Variants in SLIT3 observed in about 807,000 individuals in gnomAD.
SLIT3 encodes the protein slit homolog 3 protein.
In SLIT3, 68 loss-of-function variants were observed where a neutral mutation model predicts 184.0. The observed-to-expected ratio is 0.37, with a 90% CI of 0.30 to 0.45. The LOEUF (loss-of-function observed/expected upper bound fraction) is 0.45. SLIT3 is among the 20% of genes least tolerant of loss of function. The pLI is 1.00. For synonymous variants in SLIT3, 831 were observed against 828.6 expected (o/e 1.00, Z -0.05); for missense variants, 1,707 against 2,026.0 (o/e 0.84, Z 3.02).
chr5:168,696,393 T>C lies in SLIT3; in HGVS notation c.2981A>G (p.Glu994Gly), dbSNP rs2305993. The change falls in exon 28 of 36, where the codon GAG (glutamate) becomes GGG (glycine). Residue 994 changes from glutamate to glycine, a missense_variant. Physicochemically the swap from Glu to Gly is moderately conservative, Grantham distance 98. Around this residue, in one of 3 missense-constraint regions of SLIT3, gnomAD observed 1,307 missense variants for 1,511.6 expected, o/e 0.86. Transcript: ENST00000519560. ...GTCCTCACAGTCATCTGGGTTGATCTCACACCGCTGCCCCTCAAAGCCCAG... is the reference window on the plus strand; with the variant it reads ...GTCCTCACAGTCATCTGGGTTGATCCCACACCGCTGCCCCTCAAAGCCCAG... The part of the protein sequence containing the change: ...CPLGFEGQRC[E>G]INPDDCEDND... The C allele has an allele frequency of 7.9e-4, 1,281 of 1,614,132 alleles. 7 individuals carry two copies. The East Asian group carries it at 0.012, about 15-fold the overall frequency.
chr5:169,276,924 T>C (rs1766827092), intron 1 of SLIT3, among the ~76,000 whole-genome samples: 1 of 152,352 alleles, frequency 6.6e-6, no homozygotes, highest in African/African-American at 2.4e-5. Flanking sequence ...ATATAAGTTT[T>C]GCCATTTTAA....
At chr5:168,859,786 G>T (rs1581153787) in intron 5 of SLIT3, among the ~76,000 whole-genome samples, 1 of 152,158 alleles carries the variant, frequency 6.6e-6, no homozygotes, top group African/African-American at 2.4e-5. Flanking sequence ...TGTAGGAGAT[G>T]ACCTTTTTGT....
chr5:168,875,639 A>AAAG (rs778333339), intron 5 of SLIT3, among the ~76,000 whole-genome samples: 13 of 151,852 alleles, frequency 8.6e-5, no homozygotes, highest in East Asian at 3.9e-4. Context: ...CGCCTTAAAA[A>AAAG]AAGAAGAAGA....
At chr5:168,694,668 G>A (rs1245664687) in intron 28 of SLIT3, among the ~76,000 whole-genome samples, 1 of 152,070 alleles carries the variant, frequency 6.6e-6, no homozygotes, top group South Asian at 2.1e-4. Context: ...TCCCAGGCAG[G>A]AGTGCAGTGG....
intron 3 of SLIT3, among the ~76,000 whole-genome samples, chr5:169,199,347 G>A (rs1169943253): frequency 6.6e-6 from 1 of 152,134 alleles, no homozygotes; most frequent in Non-Finnish European, 1.5e-5. Flanking sequence ...TGAGGATTCA[G>A]GGAGTTACAG....
At chr5:169,033,649 G>A (rs1757122669) in intron 4 of SLIT3, among the ~76,000 whole-genome samples, 1 of 152,058 alleles carries the variant, frequency 6.6e-6, no homozygotes, top group South Asian at 2.1e-4. Context: ...GTGTAAGGTG[G>A]TATCTCATCT....
At chr5:168,887,240 CT>C (rs1760255214) in intron 4 of SLIT3, among the ~76,000 whole-genome samples, 1 of 152,040 alleles carries the variant, frequency 6.6e-6, no homozygotes, top group Non-Finnish European at 1.5e-5. Flanking sequence ...CCTCTTTGCC[CT>C]GCTGGGGACA....
chr5:168,861,253 C>A (rs1759091524), intron 5 of SLIT3, among the ~76,000 whole-genome samples: 1 of 152,016 alleles, frequency 6.6e-6, no homozygotes, highest in Non-Finnish European at 1.5e-5. Context: ...CTTTCCCTCC[C>A]CCATCCCCCC....
At chr5:168,760,809 C>T (rs536830357) in intron 16 of SLIT3, 53 bp downstream of exon 16, 2 of 1,357,192 alleles carry the variant, frequency 1.5e-6, no homozygotes, top group African/African-American at 2.9e-5. Context: ...GTCTAGAACA[C>T]AGGCTCTGGC....
chr5:169,043,066 G>A (rs1426593222), intron 4 of SLIT3, among the ~76,000 whole-genome samples: 1 of 152,048 alleles, frequency 6.6e-6, no homozygotes, highest in African/African-American at 2.4e-5. Context: ...TCCTATTTAT[G>A]TGACTGTCTC....
At chr5:169,205,148 C>T (rs297860) in intron 3 of SLIT3, among the ~76,000 whole-genome samples, 47,675 of 152,024 alleles carry the variant, frequency 0.31, 8,479 homozygotes, top group East Asian at 0.69. Flanking sequence ...TGGTGACAAA[C>T]GACAAAGTCT....
At chr5:168,791,142 T>C (rs552242424) in intron 10 of SLIT3, 1 of 152,272 alleles carries the variant, frequency 6.6e-6, no homozygotes, top group Non-Finnish European at 1.5e-5. Context: ...TGGCTGCCTA[T>C]GCAAAGCATT....
chr5:169,116,895 T>C (rs916539146), intron 4 of SLIT3, among the ~76,000 whole-genome samples: 6 of 152,146 alleles, frequency 3.9e-5, no homozygotes, highest in Non-Finnish European at 8.8e-5. Context: ...GAGTAGCTGA[T>C]TTGTTGAGGT....
In SLIT3 at chr5:168,774,531, C is replaced by A. The variant is rs371780200; in HGVS notation, c.1152-153G>T. Among the ~76,000 whole-genome samples the A allele has an allele frequency of 6.6e-5, 10 of 152,308 alleles. No homozygotes were observed. The East Asian group carries it at 1.9e-3, about 29-fold the overall frequency. On this transcript the variant is annotated intron_variant, in intron 12 of 35. Transcript: ENST00000519560. Reference sequence around the variant, plus strand: ...CAGAACAGAAAAAGAGAGAGACCTGCCTTCCTGTGTCTACCGAAACCCCAA... The same window carrying A: ...CAGAACAGAAAAAGAGAGAGACCTGACTTCCTGTGTCTACCGAAACCCCAA...
chr5:169,204,343 G>C (rs959700261), intron 3 of SLIT3, among the ~76,000 whole-genome samples: 1 of 152,136 alleles, frequency 6.6e-6, no homozygotes, highest in Non-Finnish European at 1.5e-5. Flanking sequence ...ATTAGCAGGA[G>C]TGGTTCAAAA....
intron 4 of SLIT3, among the ~76,000 whole-genome samples, chr5:169,187,258 A>G (rs1728627151): frequency 6.6e-6 from 1 of 151,696 alleles, no homozygotes; most frequent in South Asian, 2.1e-4. Context: ...GACTACATGC[A>G]CGCACCACCA....
chr5:168,937,330 G>C lies in SLIT3; in HGVS notation c.414-53994C>G, dbSNP rs149185325. Among the ~76,000 whole-genome samples the C allele has an allele frequency of 7.0e-4, 107 of 152,238 alleles. 3 individuals carry two copies. The East Asian group carries it at 0.02, about 29-fold the overall frequency. Reference sequence around the variant, plus strand: ...TAAAGTGTTGTGAGCAGGAGAGTGAGGGATCGAACATGCATTTTGGAAGAC... The same window carrying C: ...TAAAGTGTTGTGAGCAGGAGAGTGACGGATCGAACATGCATTTTGGAAGAC... On this transcript the variant is annotated intron_variant, in intron 4 of 35. Coordinates refer to ENST00000519560, the MANE Select transcript of SLIT3 (RefSeq NM_003062.4).
At chr5:168,882,089 C>A (rs1163795341) in intron 5 of SLIT3, among the ~76,000 whole-genome samples, 2 of 152,204 alleles carry the variant, frequency 1.3e-5, no homozygotes, top group East Asian at 1.9e-4. Context: ...AGATAACCTG[C>A]ATCTGGAAGC....
At chr5:169,091,494 TCCC>T (rs1759581973) in intron 4 of SLIT3, among the ~76,000 whole-genome samples, 1 of 152,024 alleles carries the variant, frequency 6.6e-6, no homozygotes, top group African/African-American at 2.4e-5. Flanking sequence ...TCCTCTGGAG[TCCC>T]CCATGTTAAC....
Sources: gnomAD v4.1 joint callset for allele counts (sites outside exome capture counted in the v4.1 genomes callset) on GRCh38, gnomAD v4.1.1 for gene constraint, gnomAD v4.1.1 regional missense constraint, MANE v1.5 for transcripts, NCBI Gene and HGNC (gene_info 2026-07-23, HGNC 2026-07-21) for gene names.